TFCP2: variants seen among roughly 807,000 people sequenced by gnomAD.
TFCP2 encodes the protein transcription factor CP2.
In TFCP2, 33 loss-of-function variants were observed where a neutral mutation model predicts 73.4. The observed-to-expected ratio is 0.45, with a 90% CI of 0.34 to 0.60. The LOEUF is 0.60. TFCP2 is among the 20% of genes least tolerant of loss of function. TFCP2 has a pLI of 0.01. For synonymous variants in TFCP2, 193 were observed against 211.6 expected, an observed-to-expected ratio of 0.91 and a Z score of 0.76; for missense variants, 352 against 604.0, an observed-to-expected ratio of 0.58 and a Z score of 4.37.
intron 1 of TFCP2, among the ~76,000 whole-genome samples, chr12:51,135,071 C>T (rs115738387): frequency 0.026 from 3,986 of 150,562 alleles, 112 homozygotes; most frequent in African/African-American, 0.076. Flanking sequence ...GACTGTGCCA[C>T]GGCATTCCAG....
intron 1 of TFCP2, among the ~76,000 whole-genome samples, chr12:51,119,555 C>T (rs572979401): frequency 1.9e-4 from 29 of 149,886 alleles, no homozygotes; most frequent in South Asian, 6.4e-4. Context: ...GGTGGAAACC[C>T]GCCTGACCAA....
At chr12:51,143,868 G>A (rs1941237571) in intron 1 of TFCP2, among the ~76,000 whole-genome samples, 1 of 152,050 alleles carries the variant, frequency 6.6e-6, no homozygotes, top group Non-Finnish European at 1.5e-5. Flanking sequence ...ATACAAAGCA[G>A]ACAAATTCAA....
intron 1 of TFCP2, among the ~76,000 whole-genome samples, chr12:51,150,811 G>A (rs1234395712): frequency 1.3e-5 from 2 of 152,318 alleles, no homozygotes; most frequent in Non-Finnish European, 2.9e-5. Context: ...TGGAGATAGT[G>A]AATTCATTCA....
intron 1 of TFCP2, among the ~76,000 whole-genome samples, chr12:51,140,496 G>A (rs1049250314): frequency 3.7e-5 from 4 of 108,170 alleles, no homozygotes; most frequent in African/African-American, 1.5e-4. Flanking sequence ...ATGTTGCCCC[G>A]GCTAGTCTCA....
At chr12:51,111,117 T>A in intron 4 of TFCP2, 134 bp from the exon 5 acceptor site, 1 of 656,802 alleles carries the variant, frequency 1.5e-6, no homozygotes, top group African/African-American at 1.8e-5. Context: ...CTTTGTTTTT[T>A]TTTTTTGTCG....
rs183221764 is a variant in TFCP2 at position 51,114,830 on chromosome 12, G to A, written c.457+1485C>T. Reference sequence around the variant, plus strand: ...TGTAATCCCAGCACTTTGGGAGGCCGAGGCGGGCAGATCAAGAGGTCAAGA... The same window carrying A: ...TGTAATCCCAGCACTTTGGGAGGCCAAGGCGGGCAGATCAAGAGGTCAAGA... On this transcript the variant is annotated intron_variant, in intron 4 of 14. Coordinates refer to ENST00000257915, the MANE Select transcript of TFCP2 (RefSeq NM_005653.5). Among the ~76,000 whole-genome samples the A allele has an allele frequency of 1.2e-3, 184 of 151,550 alleles. 2 individuals are homozygous for A. Among genetic ancestry groups the A allele is most frequent in the African/African-American group, 4.4e-3 (183 of 41,394 alleles).
intron 1 of TFCP2, among the ~76,000 whole-genome samples, chr12:51,137,867 A>AT (rs756687495): frequency 7.2e-5 from 11 of 152,164 alleles, no homozygotes; most frequent in Non-Finnish European, 1.3e-4. Flanking sequence ...TTAGCCCTTT[A>AT]TAGTGCTGAG....
chr12:51,158,493 T>A (rs1941583899), intron 1 of TFCP2, among the ~76,000 whole-genome samples: 1 of 152,044 alleles, frequency 6.6e-6, no homozygotes, highest in South Asian at 2.1e-4. Flanking sequence ...TGTTTTTTTG[T>A]TTGTTTGTTT....
Position 51,109,214 on chromosome 12 carries a change from T to C in TFCP2, c.624A>G (p.Pro208=). 6.2e-7 allele frequency: 1 copy of C among 1,614,220 alleles called. No homozygotes were observed. Among genetic ancestry groups the C allele is most frequent in the Non-Finnish European group, 8.5e-7 (1 of 1,180,038 alleles). The change falls in exon 6 of 15, where the codon CCA becomes CCG. Residue 208 remains proline, a synonymous_variant. Coordinates refer to ENST00000257915, the MANE Select transcript of TFCP2 (RefSeq NM_005653.5). ...TGAAGGTATCTATTTGTACTCGGAA[T>C]GGCACCCCCTTTTCTCCACCATGTT... ...MRKHGGEKGV[P]FRVQIDTFKE... is the part of the protein sequence containing the mutation.
chr12:51,124,836 G>C (rs1407833541), intron 1 of TFCP2: 4 of 1,260,094 alleles, frequency 3.2e-6, no homozygotes, highest in Non-Finnish European at 4.6e-6. Context: ...GGCCCTCTCT[G>C]CTTCCTGCTG....
chr12:51,164,693 A>C (rs186794033), intron 1 of TFCP2, among the ~76,000 whole-genome samples: 57 of 152,252 alleles, frequency 3.7e-4, no homozygotes, highest in Middle Eastern at 3.4e-3. Flanking sequence ...TCAGAAATGA[A>C]GCTGGGGATA....
At chr12:51,162,208 G>A (rs11169726) in intron 1 of TFCP2, among the ~76,000 whole-genome samples, 25,518 of 152,060 alleles carry the variant, frequency 0.17, 2,567 homozygotes, top group South Asian at 0.27. Context: ...CACTTTGGGA[G>A]GCTGAGGCGG....
At chr12:51,162,730 G>A (rs1041662001) in intron 1 of TFCP2, among the ~76,000 whole-genome samples, 2 of 152,122 alleles carry the variant, frequency 1.3e-5, no homozygotes, top group Non-Finnish European at 2.9e-5. Context: ...GAGTGCAGTG[G>A]CACAATCACA....
intron 8 of TFCP2, among the ~76,000 whole-genome samples, chr12:51,106,289 T>TG (rs1397986759): frequency 6.6e-6 from 1 of 151,508 alleles, no homozygotes; most frequent in Non-Finnish European, 1.5e-5. Context: ...TACTTTCTAG[T>TG]GGGGGGAAAA....
chr12:51,121,404 G>T (rs1024531178), intron 1 of TFCP2, among the ~76,000 whole-genome samples: 3 of 150,914 alleles, frequency 2.0e-5, no homozygotes. Flanking sequence ...GGGAGACAGA[G>T]CGAGACTCCA....
At chr12:51,170,531 G>A (rs1941839254) in intron 1 of TFCP2, among the ~76,000 whole-genome samples, 1 of 151,822 alleles carries the variant, frequency 6.6e-6, no homozygotes, top group Non-Finnish European at 1.5e-5. Flanking sequence ...TTTATTTGTG[G>A]AGAGCGGGTC....
At chr12:51,098,702 A>G in intron 13 of TFCP2, 74 bp downstream of exon 13, 4 of 1,525,084 alleles carry the variant, frequency 2.6e-6, no homozygotes, top group South Asian at 2.3e-5. Flanking sequence ...ACTCTGCCCC[A>G]GGAGAACTGC....
At chr12:51,160,804 A>T (rs995309208) in intron 1 of TFCP2, among the ~76,000 whole-genome samples, 1 of 152,218 alleles carries the variant, frequency 6.6e-6, no homozygotes, top group Admixed American at 6.5e-5. Context: ...GAATTTTGGC[A>T]TTTGGAATAG....
chr12:51,126,247 A>G lies in TFCP2; in HGVS notation c.123-7475T>C, dbSNP rs531200487. 2.1e-3 allele frequency among the ~76,000 whole-genome samples: 316 copies of G among 150,972 alleles called. 1 individual carries two copies. Among genetic ancestry groups the G allele is most frequent in the African/African-American group, 7.3e-3 (299 of 41,146 alleles). ...GACTCTGTCTCAAAAAAAAAAAAAA[A>G]AAAAGAAAAGAAAAGATATAGAAAT... On this transcript the variant is annotated intron_variant, in intron 1 of 14. Transcript: ENST00000257915.
Sources: gnomAD v4.1 joint callset for allele counts (sites outside exome capture counted in the v4.1 genomes callset) on GRCh38, gnomAD v4.1.1 for gene constraint, MANE v1.5 for transcripts, NCBI Gene and HGNC (gene_info 2026-07-23, HGNC 2026-07-21) for gene names.